The following MAP3K13 variants were observed in gnomAD, a reference collection of about 807,000 sequenced individuals.
The protein encoded by MAP3K13 is mitogen-activated protein kinase kinase kinase 13, also known as leucine zipper-bearing kinase.
In MAP3K13, 52 loss-of-function variants were observed where a neutral mutation model predicts 104.0. The ratio of observed to expected loss-of-function variants is 0.50; its 90% confidence interval spans 0.40 to 0.63. The LOEUF is 0.63. Ranked by LOEUF, MAP3K13 falls within the 20% of genes least tolerant of loss-of-function variation. The pLI is 0.00. For synonymous variants in MAP3K13, 394 were observed against 442.2 expected, an observed-to-expected ratio of 0.89 and a Z score of 1.37; for missense variants, 914 against 1,218.5, an observed-to-expected ratio of 0.75 and a Z score of 3.72.
In MAP3K13 at chr3:185,487,812, G is replaced by A. The variant is rs1718792246; in HGVS notation, c.*5356G>A. 1 of 152,072 alleles carries A rather than the reference G, an allele frequency of 6.6e-6. No homozygotes were observed. Among genetic ancestry groups the A allele is most frequent in the South Asian group, 2.1e-4 (1 of 4,820 alleles). The allele number at this position is 152,072 out of a possible 1,614,324, so 9.4% of individuals were successfully genotyped here. A position where few individuals can be genotyped will look rare whatever the true frequency, so the allele number is the denominator to read the frequency against. On this transcript the variant is annotated 3_prime_UTR_variant, in exon 14 of 14. Coordinates refer to ENST00000265026, the MANE Select transcript of MAP3K13 (RefSeq NM_004721.5). The stretch of plus-strand genomic sequence containing the variant: ...TATTGAGCATCGTATCTTTCCTACT[G>A]AGCCTAGACACAGCCTCAGAACCTC...
At chr3:185,448,125 G>T in intron 5 of MAP3K13, 178 bp downstream of exon 5, 1 of 796,038 alleles carries the variant, frequency 1.3e-6, no homozygotes, top group South Asian at 1.4e-5. Context: ...TGGGGAGAAG[G>T]ATTAGGGGGA....
intron 1 of MAP3K13, among the ~76,000 whole-genome samples, chr3:185,410,933 T>TAA (rs760936238): frequency 1.0e-4 from 12 of 118,580 alleles, no homozygotes; most frequent in African/African-American, 2.8e-4. Flanking sequence ...AGACTCTGTC[T>TAA]AAAAAAAAAA....
At chr3:185,334,472 C>G (rs958887801) in intron 2 of MAP3K13, among the ~76,000 whole-genome samples, 2 of 151,620 alleles carry the variant, frequency 1.3e-5, no homozygotes, top group African/African-American at 4.9e-5. Flanking sequence ...GCAGATTTGT[C>G]GGTGGAACAG....
At chr3:185,286,026 A>G (rs1481846435) in intron 2 of MAP3K13, among the ~76,000 whole-genome samples, 4 of 152,136 alleles carry the variant, frequency 2.6e-5, no homozygotes, top group African/African-American at 9.7e-5. Flanking sequence ...GTGTAATAGT[A>G]TATGTATCAA....
Position 185,483,652 on chromosome 3 carries a change from T to G in MAP3K13, c.*1196T>G, listed in dbSNP as rs1718580191. The G allele has an allele frequency of 5.0e-6, 1 of 201,124 alleles. No individual in the cohort carries two copies. Among genetic ancestry groups the G allele is most frequent in the Admixed American group, 6.1e-5 (1 of 16,430 alleles). 12.5% of individuals were successfully genotyped at this position (201,124 alleles called of 1,614,324 possible). A position where few individuals can be genotyped will look rare whatever the true frequency, so the allele number is the denominator to read the frequency against. Reference sequence around the variant, plus strand: ...CTAGGATGTATGTGTGTCTATACAATGTCTGAGCCCAAACCATCCCTTTGT... The same window carrying G: ...CTAGGATGTATGTGTGTCTATACAAGGTCTGAGCCCAAACCATCCCTTTGT... On this transcript the variant is annotated 3_prime_UTR_variant, in exon 14 of 14. Transcript: ENST00000265026.
At chr3:185,381,123 C>T (rs1435118682) in intron 1 of MAP3K13, among the ~76,000 whole-genome samples, 2 of 151,952 alleles carry the variant, frequency 1.3e-5, no homozygotes, top group African/African-American at 4.8e-5. Flanking sequence ...CTACCACGCC[C>T]GGCTAATTTT....
chr3:185,368,766 G>A (rs1347287200), intron 1 of MAP3K13, among the ~76,000 whole-genome samples: 1 of 152,136 alleles, frequency 6.6e-6, no homozygotes, highest in Non-Finnish European at 1.5e-5. Flanking sequence ...AGACCAGCCT[G>A]ACCAACACGG....
At chr3:185,308,941 T>C (rs879345989) in intron 2 of MAP3K13, among the ~76,000 whole-genome samples, 4 of 152,130 alleles carry the variant, frequency 2.6e-5, no homozygotes, top group Admixed American at 6.5e-5. Flanking sequence ...TCTCATAAAG[T>C]CTTTTTGGGC....
intron 1 of MAP3K13, among the ~76,000 whole-genome samples, chr3:185,373,637 A>G (rs1553795456): frequency 6.6e-6 from 1 of 152,188 alleles, no homozygotes; most frequent in Non-Finnish European, 1.5e-5. Flanking sequence ...GAGAGCCTCC[A>G]TTTCAAAAAA....
intron 1 of MAP3K13, among the ~76,000 whole-genome samples, chr3:185,363,709 A>G (rs1723742235): frequency 6.6e-6 from 1 of 152,256 alleles, no homozygotes. Flanking sequence ...CCAGAACACC[A>G]GAAAGGTGCT....
chr3:185,447,278 G>A (rs1262894392), intron 4 of MAP3K13, among the ~76,000 whole-genome samples: 4 of 151,900 alleles, frequency 2.6e-5, no homozygotes, highest in Admixed American at 6.6e-5. Context: ...ATCACCTGAG[G>A]TCAGGAGTTC....
chr3:185,410,925 ACT>A (rs1713404868), intron 1 of MAP3K13, among the ~76,000 whole-genome samples: 1 of 150,648 alleles, frequency 6.6e-6, no homozygotes, highest in African/African-American at 2.5e-5. Flanking sequence ...ACAGAGCAAG[ACT>A]CTGTCTAAAA....
intron 13 of MAP3K13, among the ~76,000 whole-genome samples, chr3:185,481,015 T>C (rs555675822): frequency 1.6e-4 from 25 of 152,210 alleles, no homozygotes; most frequent in African/African-American, 6.0e-4. Flanking sequence ...AGCCAAACCA[T>C]ATCAGGCCTC....
chr3:185,347,823 A>G (rs924324262), intron 2 of MAP3K13, among the ~76,000 whole-genome samples: 34 of 152,096 alleles, frequency 2.2e-4, no homozygotes, highest in African/African-American at 7.5e-4. Context: ...AGCCTGGCCA[A>G]CATGGTGAAA....
At chr3:185,307,963 T>G (rs1721355613) in intron 2 of MAP3K13, among the ~76,000 whole-genome samples, 1 of 151,754 alleles carries the variant, frequency 6.6e-6, no homozygotes, top group Non-Finnish European at 1.5e-5. Context: ...GACAACTATT[T>G]TGAGTTCTTT....
At chr3:185,292,969 C>T in intron 2 of MAP3K13, 1 of 983,588 alleles carries the variant, frequency 1.0e-6, no homozygotes, top group Middle Eastern at 5.2e-4. Flanking sequence ...TTTCACAATG[C>T]ATCCCACGTG....
chr3:185,333,935 T>A (rs1489797078), intron 2 of MAP3K13, among the ~76,000 whole-genome samples: 1 of 152,038 alleles, frequency 6.6e-6, no homozygotes, highest in African/African-American at 2.4e-5. Context: ...GCACCTGTAG[T>A]CTCAGCTACT....
chr3:185,302,178 G>A (rs1337720700), intron 2 of MAP3K13, among the ~76,000 whole-genome samples: 3 of 149,398 alleles, frequency 2.0e-5, no homozygotes, highest in African/African-American at 7.3e-5. Context: ...CAAGGCGGGT[G>A]GATTACTTGA....
At chr3:185,455,597 T>TGAGATATATGAC (rs1716570018) in intron 7 of MAP3K13, among the ~76,000 whole-genome samples, 1 of 4,650 alleles carries the variant, frequency 2.2e-4, no homozygotes, top group African/African-American at 6.7e-4. Flanking sequence ...ATATATGAGA[T>TGAGATATATGAC]ATATATATCA....
Sources: gnomAD v4.1 joint callset for allele counts (sites outside exome capture counted in the v4.1 genomes callset) on GRCh38, gnomAD v4.1.1 for gene constraint, MANE v1.5 for transcripts, NCBI Gene and HGNC (gene_info 2026-07-23, HGNC 2026-07-21) for gene names.